The following PRKCE variants were observed in gnomAD, a reference collection of about 807,000 sequenced individuals.
The protein encoded by PRKCE is protein kinase C epsilon type.
A neutral mutation model predicts 85.4 loss-of-function variants in PRKCE; 16 were observed. The ratio of observed to expected loss-of-function variants is 0.19; its 90% CI spans 0.13 to 0.28. PRKCE has a LOEUF of 0.28. Ranked by LOEUF, PRKCE falls within the 10% of genes least tolerant of loss-of-function variation. The probability of loss-of-function intolerance (pLI) is 1.00; values close to 1 mark genes in which losing one functional copy is unlikely to be tolerated. For missense variants in PRKCE, 573 were observed against 975.2 expected (o/e 0.59, Z 5.49); for synonymous variants, 388 against 371.5 (o/e 1.04, Z -0.51).
intron 1 of PRKCE, among the ~76,000 whole-genome samples, chr2:45,738,133 C>T (rs1381517017): frequency 6.6e-6 from 1 of 152,168 alleles, no homozygotes; most frequent in East Asian, 1.9e-4. Context: ...TCTCTCCCAC[C>T]TCTAGCTTCA....
At chr2:46,146,623 ACGGGGGC>A (rs1676095706) in intron 12 of PRKCE, among the ~76,000 whole-genome samples, 4 of 152,184 alleles carry the variant, frequency 2.6e-5, no homozygotes, top group African/African-American at 9.7e-5. Context: ...CAGGATTGGA[ACGGGGGC>A]AGGACAGGAA....
chr2:46,061,531 A>T (rs866708347), intron 10 of PRKCE, among the ~76,000 whole-genome samples: 12 of 152,216 alleles, frequency 7.9e-5, no homozygotes, highest in African/African-American at 2.9e-4. Flanking sequence ...AATGACCTAG[A>T]GCAGTCATTT....
chr2:45,655,151 A>G (rs541176778), intron 1 of PRKCE, among the ~76,000 whole-genome samples: 61 of 152,252 alleles, frequency 4.0e-4, no homozygotes, highest in Non-Finnish European at 1.0e-4. Flanking sequence ...GAAGCTTCTC[A>G]CTGTGGGCCA....
intron 6 of PRKCE, among the ~76,000 whole-genome samples, chr2:45,998,252 C>A (rs1704376629): frequency 6.6e-6 from 1 of 152,190 alleles, no homozygotes; most frequent in Admixed American, 6.5e-5. Context: ...CCTGCTAGAT[C>A]TGTTTATTTT....
chr2:45,795,064 G>T (rs796919810), intron 1 of PRKCE, among the ~76,000 whole-genome samples: 1 of 152,176 alleles, frequency 6.6e-6, no homozygotes. Flanking sequence ...CTTCTGAGGA[G>T]GTGAGGCCAG....
chr2:46,091,422 A>T (rs1670159564), intron 11 of PRKCE, among the ~76,000 whole-genome samples: 1 of 152,272 alleles, frequency 6.6e-6, no homozygotes, highest in South Asian at 2.1e-4. Context: ...CTCTGTCCCC[A>T]TGTCATGAAG....
chr2:45,884,980 TATATATATATATATATA>T (rs1695158797), intron 2 of PRKCE, among the ~76,000 whole-genome samples: 1 of 66,480 alleles, frequency 1.5e-5, no homozygotes, highest in Non-Finnish European at 3.3e-5. Flanking sequence ...TATATATATA[TATATATATATATATATA>T]TATATTTGTT....
chr2:45,818,512 G>C (rs1689266087), intron 1 of PRKCE, among the ~76,000 whole-genome samples: 1 of 152,198 alleles, frequency 6.6e-6, no homozygotes, highest in Non-Finnish European at 1.5e-5. Context: ...AAGTCTCTCA[G>C]AAACTGTGCT....
intron 11 of PRKCE, among the ~76,000 whole-genome samples, chr2:46,120,677 G>C (rs964348683): frequency 1.3e-5 from 2 of 152,144 alleles, no homozygotes; most frequent in African/African-American, 2.4e-5. Context: ...ATAGGAGAAG[G>C]CATAAGGGGA....
In PRKCE at chr2:46,138,374, G is replaced by A. The variant is rs182539901; in HGVS notation, c.1593-6719G>A. ...GGGCAGTTATGTAGGGTCAGCCCAC[G>A]CTGCCTCTTACCAGCCATGTGACCT... On this transcript the variant is annotated intron_variant, in intron 11 of 14. Transcript: ENST00000306156. This position sits in a 1 kb window ranked among gnomAD's most constrained non-coding sequence, Gnocchi z 4.2. 3.3e-5 allele frequency among the ~76,000 whole-genome samples: 5 copies of A among 152,282 alleles called. No homozygotes were observed. The highest frequency in any genetic ancestry group is 1.9e-4 in the East Asian group (1 of 5,178).
chr2:45,783,420 GA>G lies in PRKCE; in HGVS notation c.349-59578del, dbSNP rs1435016274. ...TGCACCCTGTTGGTTTTCTTTCTAG[GA>G]ACAGGAAAAGCACCACTGGGTAATG... On this transcript the variant is annotated intron_variant, in intron 1 of 14. Transcript: ENST00000306156. Among the ~76,000 whole-genome samples, 3 of 152,182 alleles carry G rather than the reference GA, an allele frequency of 2.0e-5. No individual in the cohort carries two copies. The East Asian group carries it at 5.8e-4, about 29-fold the overall frequency.
intron 1 of PRKCE, among the ~76,000 whole-genome samples, chr2:45,765,143 G>A (rs548936491): frequency 7.9e-5 from 12 of 152,228 alleles, no homozygotes; most frequent in Admixed American, 2.6e-4. Flanking sequence ...CCCTTAATAC[G>A]TTCTTAAGCC....
intron 1 of PRKCE, among the ~76,000 whole-genome samples, chr2:45,691,295 A>C (rs950273628): frequency 1.8e-4 from 27 of 152,252 alleles, no homozygotes; most frequent in Non-Finnish European, 3.1e-4. Context: ...GGCTGGGTGC[A>C]CCTGTTGCTG....
chr2:46,098,986 C>T (rs775201861), intron 11 of PRKCE, among the ~76,000 whole-genome samples: 1 of 152,092 alleles, frequency 6.6e-6, no homozygotes. Context: ...GGAGACTACA[C>T]TTAATTGGCT....
chr2:46,106,884 C>T (rs1218314536), intron 11 of PRKCE, among the ~76,000 whole-genome samples: 1 of 152,214 alleles, frequency 6.6e-6, no homozygotes, highest in Non-Finnish European at 1.5e-5. Flanking sequence ...TGTGCTTACG[C>T]TTAGGTCAGC....
chr2:45,813,578 G>T (rs1425269222), intron 1 of PRKCE, among the ~76,000 whole-genome samples: 2 of 152,116 alleles, frequency 1.3e-5, no homozygotes, highest in East Asian at 1.9e-4. Context: ...GACAACCCTC[G>T]TCTTTCACAA....
chr2:45,710,169 A>G (rs1679494093), intron 1 of PRKCE, among the ~76,000 whole-genome samples: 1 of 152,210 alleles, frequency 6.6e-6, no homozygotes. Flanking sequence ...TTTTCTGTGT[A>G]TTAACTCACT....
At chr2:46,086,488 C>A in intron 11 of PRKCE, 126 bp downstream of exon 11, 2 of 1,191,294 alleles carry the variant, frequency 1.7e-6, no homozygotes, top group Non-Finnish European at 2.3e-6. Flanking sequence ...TTGTTTGTTC[C>A]AATTTGCTTA....
chr2:45,952,903 A>T (rs1700721778), intron 2 of PRKCE, among the ~76,000 whole-genome samples: 1 of 152,230 alleles, frequency 6.6e-6, no homozygotes, highest in African/African-American at 2.4e-5. Flanking sequence ...GAAACACAGC[A>T]GCCAAATAAA....
Sources: allele counts gnomAD v4.1 joint callset (sites outside exome capture counted in the v4.1 genomes callset), GRCh38; gene constraint gnomAD v4.1.1; non-coding constraint Gnocchi (gnomAD v3.1); transcripts MANE v1.5; gene names NCBI Gene and HGNC (gene_info 2026-07-23, HGNC 2026-07-21).